SEC24B: variants seen among roughly 807,000 people sequenced by gnomAD.
SEC24B encodes SEC24 homolog B, COPII component.
SEC24B carries 45 observed loss-of-function variants against 142.8 expected under a neutral mutation model. That is an observed-to-expected ratio of 0.32 (90% CI 0.25 to 0.40). SEC24B has a LOEUF of 0.40. SEC24B is among the 10% of genes least tolerant of loss of function. The pLI, the probability that SEC24B is intolerant of heterozygous loss-of-function variation, is 1.00. For missense variants in SEC24B, 1,409 were observed against 1,526.8 expected (o/e 0.92, Z 1.29); for synonymous variants, 574 against 568.2 (o/e 1.01, Z -0.15).
At position 109,494,874 on chromosome 4, in the gene SEC24B, T is replaced by C. The variant is rs1430980489; in HGVS notation, c.1488+18T>C. 1.2e-6 allele frequency: 2 copies of C among 1,612,836 alleles called. No individual in the cohort carries two copies. Among genetic ancestry groups the C allele is most frequent in the Non-Finnish European group, 1.7e-6 (2 of 1,178,988 alleles). ...ATCCTCAAGTATGTATTCAGTCATA[T>C]ACACACATTGTAACAGTTATAAAAC... On this transcript the variant is annotated intron_variant, in intron 6 of 23. Transcript: ENST00000265175.
At chr4:109,459,057 T>G (rs1178834212) in intron 1 of SEC24B, among the ~76,000 whole-genome samples, 1 of 152,194 alleles carries the variant, frequency 6.6e-6, no homozygotes, top group African/African-American at 2.4e-5. Context: ...AGTTTTTTAT[T>G]CAGATAAGTT....
chr4:109,440,403 A>C (rs1470465217), intron 1 of SEC24B, among the ~76,000 whole-genome samples: 1 of 152,206 alleles, frequency 6.6e-6, no homozygotes, highest in African/African-American at 2.4e-5. Flanking sequence ...TTTCTTTCCT[A>C]GAAATGAGGC....
intron 1 of SEC24B, among the ~76,000 whole-genome samples, chr4:109,445,778 C>T (rs1729396801): frequency 6.7e-6 from 1 of 149,966 alleles, no homozygotes; most frequent in Non-Finnish European, 1.5e-5. Context: ...TACTATGTTG[C>T]CTGGGCTGGT....
chr4:109,517,299 A>G (rs1489074126), intron 11 of SEC24B, among the ~76,000 whole-genome samples: 2 of 146,170 alleles, frequency 1.4e-5, no homozygotes, highest in East Asian at 3.9e-4. Flanking sequence ...GCCTTTAAAA[A>G]GAAAATTTTT....
At chr4:109,437,969 G>A (rs1261031605) in intron 1 of SEC24B, among the ~76,000 whole-genome samples, 1 of 152,150 alleles carries the variant, frequency 6.6e-6, no homozygotes, top group Non-Finnish European at 1.5e-5. Context: ...ATTGTATATA[G>A]ATCCCTGATA....
At chr4:109,500,516 C>T (rs1736009681) in intron 6 of SEC24B, among the ~76,000 whole-genome samples, 1 of 148,472 alleles carries the variant, frequency 6.7e-6, no homozygotes. Flanking sequence ...TGCACACCAG[C>T]CTGGGCAACA....
At chr4:109,438,065 G>A (rs1466357531) in intron 1 of SEC24B, among the ~76,000 whole-genome samples, 2 of 152,180 alleles carry the variant, frequency 1.3e-5, no homozygotes, top group Non-Finnish European at 2.9e-5. Context: ...AAAACACATA[G>A]TTTGGATCCC....
intron 3 of SEC24B, among the ~76,000 whole-genome samples, chr4:109,480,697 T>C (rs1281851716): frequency 6.6e-6 from 1 of 152,174 alleles, no homozygotes; most frequent in Non-Finnish European, 1.5e-5. Context: ...GCCAGGATGG[T>C]CTCGATCTCT....
chr4:109,463,561 C>G lies in SEC24B; in HGVS notation c.794C>G (p.Pro265Arg). The change falls in exon 2 of 24, where the codon CCA becomes CGA. Residue 265 changes from proline to arginine, a missense_variant. Coordinates refer to ENST00000265175, the MANE Select transcript of SEC24B (RefSeq NM_006323.5). ...SGYSTLTWSS[P>R]GLPSTQDNLI... is the part of the protein sequence containing the mutation. ...TACAGTACTCTAACGTGGTCATCTCCAGGCCTTCCATCGACTCAAGACAAT... is the reference window on the plus strand; with the variant it reads ...TACAGTACTCTAACGTGGTCATCTCGAGGCCTTCCATCGACTCAAGACAAT... The G allele has an allele frequency of 6.2e-7, 1 of 1,614,204 alleles. No individual in the cohort carries two copies. The highest frequency in any genetic ancestry group is 1.6e-4 in the Middle Eastern group (1 of 6,062).
intron 1 of SEC24B, among the ~76,000 whole-genome samples, chr4:109,453,439 G>GCCCCC (rs1730319690): frequency 9.8e-5 from 1 of 10,190 alleles, no homozygotes; most frequent in African/African-American, 2.9e-4. Flanking sequence ...GGCCATTTTA[G>GCCCCC]GCCCCCCCCC....
At chr4:109,534,052 T>TC (rs1725223673) in intron 22 of SEC24B, among the ~76,000 whole-genome samples, 1 of 152,056 alleles carries the variant, frequency 6.6e-6, no homozygotes, top group East Asian at 1.9e-4. Flanking sequence ...TAGTTCTTTT[T>TC]TTTTTTTTTA....
intron 3 of SEC24B, among the ~76,000 whole-genome samples, chr4:109,478,916 T>C (rs1208035671): frequency 6.6e-6 from 1 of 152,224 alleles, no homozygotes; most frequent in Non-Finnish European, 1.5e-5. Context: ...AAAAGTCTTC[T>C]AGTGTGTACA....
At chr4:109,485,509 T>G (rs993324643) in intron 4 of SEC24B, among the ~76,000 whole-genome samples, 1 of 152,238 alleles carries the variant, frequency 6.6e-6, no homozygotes, top group African/African-American at 2.4e-5. Flanking sequence ...GTTATCTTAC[T>G]CCTGTGTTTT....
At chr4:109,502,010 T>C (rs1736207423) in intron 6 of SEC24B, among the ~76,000 whole-genome samples, 1 of 152,206 alleles carries the variant, frequency 6.6e-6, no homozygotes, top group South Asian at 2.1e-4. Context: ...GTTGAAGTAG[T>C]TTCTGGGGTG....
chr4:109,509,720 T>A (rs544539204), intron 7 of SEC24B, among the ~76,000 whole-genome samples: 2 of 151,726 alleles, frequency 1.3e-5, no homozygotes, highest in Non-Finnish European at 2.9e-5. Context: ...TTTTCACTTA[T>A]GTTTTCTGTG....
At chr4:109,434,069 G>C in intron 1 of SEC24B, 67 bp downstream of exon 1, 1 of 983,810 alleles carries the variant, frequency 1.0e-6, no homozygotes, top group Non-Finnish European at 1.2e-6. Context: ...CGGCCACATC[G>C]GGGCGGGGCG....
At chr4:109,466,938 A>G (rs1349663314) in intron 2 of SEC24B, among the ~76,000 whole-genome samples, 1 of 152,222 alleles carries the variant, frequency 6.6e-6, no homozygotes, top group Non-Finnish European at 1.5e-5. Flanking sequence ...AACATAGACT[A>G]AAGGGGACCT....
chr4:109,514,875 A>G (rs1405135707), intron 10 of SEC24B, among the ~76,000 whole-genome samples: 2 of 152,158 alleles, frequency 1.3e-5, no homozygotes, highest in African/African-American at 4.8e-5. Flanking sequence ...CTAATTTGGC[A>G]TATGCCCACC....
chr4:109,485,438 G>A (rs13143825), intron 4 of SEC24B, among the ~76,000 whole-genome samples: 2 of 152,070 alleles, frequency 1.3e-5, no homozygotes, highest in Non-Finnish European at 2.9e-5. Context: ...GAACATAAAC[G>A]GCCAGAGTAG....
Sources: allele counts gnomAD v4.1 joint callset (sites outside exome capture counted in the v4.1 genomes callset), GRCh38; gene constraint gnomAD v4.1.1; transcripts MANE v1.5; gene names NCBI Gene and HGNC (gene_info 2026-07-23, HGNC 2026-07-21).